Variants in CNTN3 observed in about 807,000 individuals in gnomAD.
CNTN3 encodes contactin-3.
CNTN3 carries 60 observed loss-of-function variants against 119.1 expected under a neutral mutation model. That is an observed-to-expected ratio of 0.50 (90% CI 0.41 to 0.62). CNTN3 has a LOEUF of 0.62. Ranked by LOEUF, CNTN3 falls within the 20% of genes least tolerant of loss-of-function variation. The pLI, the probability that CNTN3 is intolerant of heterozygous loss-of-function variation, is 0.00. For missense variants in CNTN3, 1,101 were observed against 1,242.4 expected (o/e 0.89, Z 1.71); for synonymous variants, 450 against 438.7 (o/e 1.03, Z -0.32).
chr3:74,552,064 G>C (rs1215042754), intron 1 of CNTN3, among the ~76,000 whole-genome samples: 1 of 151,898 alleles, frequency 6.6e-6, no homozygotes, highest in African/African-American at 2.4e-5. Flanking sequence ...GCGCCTAGCC[G>C]GATCTGCTTC....
At chr3:74,594,809 C>G (rs1002400240) in intron 1 of CNTN3, among the ~76,000 whole-genome samples, 1 of 151,744 alleles carries the variant, frequency 6.6e-6, no homozygotes, top group Non-Finnish European at 1.5e-5. Flanking sequence ...TGGGTATATA[C>G]CCAGTAATGG....
Position 74,301,390 on chromosome 3 carries a change from A to C in CNTN3, c.2095+8T>G, listed in dbSNP as rs2106817095. 2 of 1,611,720 alleles carry C rather than the reference A, an allele frequency of 1.2e-6. No individual in the cohort carries two copies. The highest frequency in any genetic ancestry group is 1.1e-5 in the South Asian group (1 of 90,702). On this transcript the variant is annotated splice_region_variant and intron_variant, in intron 16 of 22. Transcript: ENST00000263665. ...ATTAATCCATTACTCAGAAAAAAAA[A>C]CACTAACCTGCCTCTTCAGTTCTTA... is the stretch of plus-strand genomic sequence containing the variant.
chr3:74,355,774 A>C (rs1703920718), intron 11 of CNTN3, among the ~76,000 whole-genome samples: 1 of 151,966 alleles, frequency 6.6e-6, no homozygotes, highest in African/African-American at 2.4e-5. Flanking sequence ...TTTTAAACAG[A>C]AATTTAATCC....
intron 4 of CNTN3, among the ~76,000 whole-genome samples, chr3:74,482,608 A>C (rs961897563): frequency 2.6e-5 from 4 of 152,088 alleles, no homozygotes; most frequent in African/African-American, 9.7e-5. Flanking sequence ...TTACTCATTT[A>C]CCCATGAAGG....
At chr3:74,437,870 T>C (rs1269724999) in intron 4 of CNTN3, among the ~76,000 whole-genome samples, 1 of 152,178 alleles carries the variant, frequency 6.6e-6, no homozygotes, top group Admixed American at 6.5e-5. Flanking sequence ...GCAAAGTACA[T>C]GTTAAAAGGA....
chr3:74,591,596 T>C (rs1328310752), intron 1 of CNTN3, among the ~76,000 whole-genome samples: 1 of 151,700 alleles, frequency 6.6e-6, no homozygotes, highest in Non-Finnish European at 1.5e-5. Flanking sequence ...GGGAAACAGC[T>C]GGCAAGATGG....
chr3:74,317,925 CAG>C (rs1702876946), intron 13 of CNTN3, among the ~76,000 whole-genome samples: 1 of 152,180 alleles, frequency 6.6e-6, no homozygotes, highest in African/African-American at 2.4e-5. Flanking sequence ...TAATATCCTG[CAG>C]AGTGTTTTCC....
intron 11 of CNTN3, among the ~76,000 whole-genome samples, chr3:74,350,823 CAAAAT>C (rs960222135): frequency 6.7e-6 from 1 of 149,044 alleles, no homozygotes; most frequent in Non-Finnish European, 1.5e-5. Flanking sequence ...TGTAGAAACA[CAAAAT>C]AAAAAAAAAA....
chr3:74,569,155 T>C (rs951151449), intron 1 of CNTN3, among the ~76,000 whole-genome samples: 1 of 152,222 alleles, frequency 6.6e-6, no homozygotes, highest in Non-Finnish European at 1.5e-5. Context: ...TCCCATTTTC[T>C]GTCTGCTCTG....
At chr3:74,365,031 G>A (rs1704156574) in intron 9 of CNTN3, among the ~76,000 whole-genome samples, 1 of 152,050 alleles carries the variant, frequency 6.6e-6, no homozygotes, top group South Asian at 2.1e-4. Flanking sequence ...AGGTTTCTGG[G>A]AAACACATAT....
intron 18 of CNTN3, among the ~76,000 whole-genome samples, chr3:74,296,757 C>T (rs1702345301): frequency 6.6e-6 from 1 of 152,092 alleles, no homozygotes; most frequent in South Asian, 2.1e-4. Flanking sequence ...CACAAGGCTT[C>T]CATTTTCTCA....
At chr3:74,303,944 C>A (rs1030572329) in intron 13 of CNTN3, among the ~76,000 whole-genome samples, 4 of 152,064 alleles carry the variant, frequency 2.6e-5, no homozygotes, top group African/African-American at 9.7e-5. Flanking sequence ...ATCATCAGTT[C>A]ATGTCAGAAC....
At chr3:74,328,400 G>A (rs1703180849) in intron 13 of CNTN3, among the ~76,000 whole-genome samples, 1 of 152,056 alleles carries the variant, frequency 6.6e-6, no homozygotes, top group Non-Finnish European at 1.5e-5. Context: ...ATTAACATTT[G>A]TTGCACTCTC....
At chr3:74,509,172 C>T (rs907783443) in intron 2 of CNTN3, among the ~76,000 whole-genome samples, 2 of 152,154 alleles carry the variant, frequency 1.3e-5, no homozygotes, top group Non-Finnish European at 2.9e-5. Flanking sequence ...TAAACACATG[C>T]ACATTCTAAA....
chr3:74,596,952 C>T (rs911233312), intron 1 of CNTN3, among the ~76,000 whole-genome samples: 4 of 152,094 alleles, frequency 2.6e-5, no homozygotes, highest in African/African-American at 9.7e-5. Flanking sequence ...CCGTTACCTT[C>T]CAGTGAAGTA....
At chr3:74,520,964 G>T in intron 2 of CNTN3, 94 bp downstream of exon 2, 2 of 598,120 alleles carry the variant, frequency 3.3e-6, no homozygotes, top group Non-Finnish European at 2.8e-6. Flanking sequence ...CTTTGCTACT[G>T]GTGGAGTTTT....
intron 4 of CNTN3, among the ~76,000 whole-genome samples, chr3:74,464,416 A>G (rs1462229697): frequency 6.6e-6 from 1 of 152,128 alleles, no homozygotes; most frequent in Non-Finnish European, 1.5e-5. Context: ...TTGATGGTAT[A>G]TACAGATATA....
At chr3:74,579,397 G>C (rs544725096) in intron 1 of CNTN3, among the ~76,000 whole-genome samples, 2 of 150,908 alleles carry the variant, frequency 1.3e-5, no homozygotes, top group East Asian at 1.9e-4. Flanking sequence ...GACAGAAAAG[G>C]CTTGAAAAAC....
chr3:74,266,786 G>A (rs1701669717), intron 21 of CNTN3, 137 bp from the exon 22 acceptor site: 1 of 724,372 alleles, frequency 1.4e-6, no homozygotes, highest in Non-Finnish European at 2.3e-6. Context: ...GACTCTAATT[G>A]TAAGTCTTAG....
Sources: allele counts gnomAD v4.1 joint callset (sites outside exome capture counted in the v4.1 genomes callset), GRCh38; gene constraint gnomAD v4.1.1; transcripts MANE v1.5; gene names NCBI Gene and HGNC (gene_info 2026-07-23, HGNC 2026-07-21).